DNAH5: variants seen among roughly 807,000 people sequenced by gnomAD.
DNAH5 encodes axonemal beta dynein heavy chain 5.
A neutral mutation model predicts 518.2 loss-of-function variants in DNAH5; 372 were observed. The observed-to-expected ratio is 0.72, with a 90% CI of 0.66 to 0.78. The LOEUF is 0.78. Ranked by LOEUF, DNAH5 falls within the 30% of genes least tolerant of loss-of-function variation. DNAH5 has a pLI of 0.00. For missense variants in DNAH5, 5,523 were observed against 5,687.0 expected (o/e 0.97, Z 0.93); for synonymous variants, 2,039 against 2,025.9 (o/e 1.01, Z -0.17).
chr5:13,849,368 C>A (rs1580569887), intron 31 of DNAH5, among the ~76,000 whole-genome samples: 1 of 152,316 alleles, frequency 6.6e-6, no homozygotes, highest in Middle Eastern at 3.4e-3. Context: ...CTGAATGAAG[C>A]CATTCCATTA....
rs542064804 is a variant in DNAH5, at chr5:13,768,979, T to C, written c.9878A>G (p.Glu3293Gly). Residue 3293 changes from glutamate (E) to glycine (G), a missense_variant, in exon 58 of 79, where the codon GAG becomes GGG. Physicochemically the swap from Glu to Gly is moderately conservative, Grantham distance 98. Around this residue, in one of 3 missense-constraint regions of DNAH5, gnomAD observed 5,121 missense variants for 5,223.3 expected, o/e 0.98. Coordinates refer to ENST00000265104, the MANE Select transcript of DNAH5 (RefSeq NM_001369.3). The part of the protein sequence containing the change: ...KLEAAKPALE[E>G]AEAALQTIRP... ...ATGCACCTGCAATGCAGCTTCTGCCTCTTCTAAAGCTGGTTTTGCTGCTTC... is the reference window on the plus strand; with the variant it reads ...ATGCACCTGCAATGCAGCTTCTGCCCCTTCTAAAGCTGGTTTTGCTGCTTC... The C allele has an allele frequency of 1.2e-6, 2 of 1,614,192 alleles. No individual in the cohort carries two copies. Among genetic ancestry groups the C allele is most frequent in the Non-Finnish European group, 1.7e-6 (2 of 1,179,996 alleles).
In DNAH5 at chr5:13,752,209, A is replaced by G. The variant is rs1361071108; in HGVS notation, c.10953T>C (p.Asp3651=). 2.5e-6 allele frequency: 4 copies of G among 1,613,944 alleles called. No homozygotes were observed. Among genetic ancestry groups the G allele is most frequent in the Admixed American group, 1.7e-5 (1 of 59,990 alleles). ...GTGCTGGATCTAGTTCCTCTCCAAC[A>G]TCTTCAATAAGCAAAGGCCTTCCAA... ...LSLGRPLLIE[D]VGEELDPALD... The change falls in exon 64 of 79, where the codon GAT becomes GAC. Residue 3651 remains aspartate, a synonymous_variant. Coordinates refer to ENST00000265104, the MANE Select transcript of DNAH5 (RefSeq NM_001369.3).
At chr5:13,870,262 A>T (rs1347138098) in intron 24 of DNAH5, among the ~76,000 whole-genome samples, 1 of 152,100 alleles carries the variant, frequency 6.6e-6, no homozygotes, top group African/African-American at 2.4e-5. Flanking sequence ...ATCCCCGACT[A>T]CTGAGAGTGC....
At position 13,851,262 on chromosome 5, in the gene DNAH5, A is replaced by T. The variant is rs190124634; in HGVS notation, c.4951-447T>A. Among the ~76,000 whole-genome samples, 1,017 of 152,316 alleles carry T rather than the reference A, an allele frequency of 6.7e-3. 8 individuals carry two copies. The highest frequency in any genetic ancestry group is 0.024 in the African/African-American group (984 of 41,552). On this transcript the variant is annotated intron_variant, in intron 30 of 78. Coordinates refer to ENST00000265104, the MANE Select transcript of DNAH5 (RefSeq NM_001369.3). The stretch of plus-strand genomic sequence containing the variant: ...AGTATAACTGGAATATTGTAAAAAA[A>T]TTTAATGGAAAATGCACAGATTATC...
chr5:13,931,499 T>TA (rs1391495169), intron 1 of DNAH5, among the ~76,000 whole-genome samples: 1 of 152,206 alleles, frequency 6.6e-6, no homozygotes, highest in African/African-American at 2.4e-5. Flanking sequence ...CATCCAGAAA[T>TA]TATTATTGTT....
chr5:13,804,132 C>G (rs186985663), intron 47 of DNAH5, among the ~76,000 whole-genome samples: 4 of 152,196 alleles, frequency 2.6e-5, no homozygotes, highest in African/African-American at 9.6e-5. Flanking sequence ...AATGAGGAAT[C>G]TTTCTTAAAA....
chr5:13,720,589 G>C (rs749979502), intron 71 of DNAH5, among the ~76,000 whole-genome samples: 2 of 152,054 alleles, frequency 1.3e-5, no homozygotes, highest in Non-Finnish European at 2.9e-5. Context: ...GCCCAAGCTG[G>C]TCTTGAACTC....
chr5:13,694,204 GA>G (rs1561061739), intron 78 of DNAH5, among the ~76,000 whole-genome samples: 1 of 152,050 alleles, frequency 6.6e-6, no homozygotes, highest in Admixed American at 6.6e-5. Context: ...AAAATGGAGG[GA>G]AAAAATAGCA....
intron 70 of DNAH5, among the ~76,000 whole-genome samples, chr5:13,722,826 T>C (rs1351247237): frequency 2.0e-5 from 3 of 152,228 alleles, no homozygotes; most frequent in Non-Finnish European, 4.4e-5. Context: ...CAATGGCAGA[T>C]TAAGAGGCAT....
At chr5:13,890,566 T>A (rs764930483) in intron 17 of DNAH5, among the ~76,000 whole-genome samples, 1 of 152,186 alleles carries the variant, frequency 6.6e-6, no homozygotes, top group Admixed American at 6.5e-5. Context: ...TTGTGTGCTA[T>A]AGAACACCAG....
At chr5:13,875,284 A>G (rs1363951940) in intron 22 of DNAH5, among the ~76,000 whole-genome samples, 1 of 152,100 alleles carries the variant, frequency 6.6e-6, no homozygotes, top group African/African-American at 2.4e-5. Flanking sequence ...CTTGACCAAC[A>G]TGGTAAAACC....
chr5:13,858,755 A>T (rs1321663096), intron 30 of DNAH5, among the ~76,000 whole-genome samples: 1 of 152,212 alleles, frequency 6.6e-6, no homozygotes, highest in Non-Finnish European at 1.5e-5. Context: ...TAACCAAAAA[A>T]GAAGTTCAGA....
intron 78 of DNAH5, among the ~76,000 whole-genome samples, chr5:13,697,895 T>C (rs1007933812): frequency 2.6e-5 from 4 of 152,182 alleles, no homozygotes; most frequent in Non-Finnish European, 4.4e-5. Context: ...ACTCAAACCA[T>C]GTGTATGGCT....
At chr5:13,804,736 T>A (rs973163511) in intron 47 of DNAH5, among the ~76,000 whole-genome samples, 1 of 152,198 alleles carries the variant, frequency 6.6e-6, no homozygotes, top group Admixed American at 6.5e-5. Context: ...GCCATGTGTA[T>A]CAGATAATGG....
intron 1 of DNAH5, among the ~76,000 whole-genome samples, chr5:13,972,394 T>C (rs1234781373): frequency 6.6e-6 from 1 of 152,180 alleles, no homozygotes; most frequent in Non-Finnish European, 1.5e-5. Context: ...CAAAGTTCAA[T>C]TGGAAGTTTC....
chr5:13,868,335 C>G (rs965185725), intron 24 of DNAH5, among the ~76,000 whole-genome samples: 8 of 152,134 alleles, frequency 5.3e-5, no homozygotes, highest in Non-Finnish European at 1.0e-4. Context: ...CTACAAAATT[C>G]TATCAAGTAA....
intron 1 of DNAH5, among the ~76,000 whole-genome samples, chr5:13,956,234 C>T (rs552488199): frequency 1.3e-5 from 2 of 152,210 alleles, no homozygotes; most frequent in East Asian, 1.9e-4. Context: ...CATTTTCATA[C>T]TAAATAATAA....
At chr5:13,974,778 A>G (rs1782117878) in intron 1 of DNAH5, among the ~76,000 whole-genome samples, 3 of 152,150 alleles carry the variant, frequency 2.0e-5, no homozygotes, top group African/African-American at 7.2e-5. Context: ...CTCAATGAGC[A>G]TCTTTACCCA....
At chr5:13,765,821 A>G (rs868614620) in intron 59 of DNAH5, among the ~76,000 whole-genome samples, 155 bp downstream of exon 59, 7 of 152,208 alleles carry the variant, frequency 4.6e-5, no homozygotes, top group African/African-American at 1.7e-4. Flanking sequence ...AAAAACTCTA[A>G]TGCTTATAAT....
Sources: gnomAD v4.1 joint callset for allele counts (sites outside exome capture counted in the v4.1 genomes callset) on GRCh38, gnomAD v4.1.1 for gene constraint, gnomAD v4.1.1 regional missense constraint, MANE v1.5 for transcripts, NCBI Gene and HGNC (gene_info 2026-07-23, HGNC 2026-07-21) for gene names.